ZDHHC23: variants seen among roughly 807,000 people sequenced by gnomAD.
The protein encoded by ZDHHC23 is palmitoyltransferase ZDHHC23.
ZDHHC23 carries 41 observed loss-of-function variants against 40.2 expected under a neutral mutation model. The ratio of observed to expected loss-of-function variants is 1.02; its 90% CI spans 0.79 to 1.32. The LOEUF (loss-of-function observed/expected upper bound fraction) is 1.32, where lower values mean the gene tolerates loss of function less well. ZDHHC23 is among the 40% of genes most tolerant of loss of function. The probability of loss-of-function intolerance (pLI) is 0.00; values close to 1 mark genes in which losing one functional copy is unlikely to be tolerated. For missense variants in ZDHHC23, 471 were observed against 541.5 expected, an observed-to-expected ratio of 0.87 and a Z score of 1.29; for synonymous variants, 204 against 210.2, an observed-to-expected ratio of 0.97 and a Z score of 0.26.
intron 4 of ZDHHC23, chr3:113,957,839 T>C (rs778644239): frequency 1.7e-5 from 9 of 518,560 alleles, no homozygotes; most frequent in South Asian, 1.1e-4. Flanking sequence ...TGTCTCGGTG[T>C]TCCTACATCC....
At position 113,959,989 on chromosome 3, in the gene ZDHHC23, G is replaced by C. The variant is rs1441779597; in HGVS notation, c.*1359G>C. The C allele has an allele frequency of 2.0e-6, 2 of 991,384 alleles. No individual in the cohort carries two copies. The highest frequency in any genetic ancestry group is 2.2e-4 in the East Asian group (2 of 9,292). 61.4% of individuals were successfully genotyped at this position (991,384 alleles called of 1,614,324 possible). ...TTAAGATGAGGGAATTTCAGATGAG[G>C]AAAATACCCTTTTGAAATGTTAGTT... On this transcript the variant is annotated 3_prime_UTR_variant, in exon 5 of 5. Coordinates refer to ENST00000638807, the MANE Select transcript of ZDHHC23 (RefSeq NM_001320466.2).
rs1283316178 is a variant in ZDHHC23 at position 113,961,982 on chromosome 3, C to G, written c.*3352C>G. ...TTACAGTTTTGTGAGACTTAAGGGT[C>G]TTTTTAACCTAGGTAAGTTTATATG... On this transcript the variant is annotated 3_prime_UTR_variant, in exon 5 of 5. Coordinates refer to ENST00000638807, the MANE Select transcript of ZDHHC23 (RefSeq NM_001320466.2). The G allele has an allele frequency of 6.6e-6, 1 of 152,560 alleles. No homozygotes were observed. The highest frequency in any genetic ancestry group is 1.5e-5 in the Non-Finnish European group (1 of 68,016). The allele number at this position is 152,560 out of a possible 1,614,324, so 9.5% of individuals were successfully genotyped here. A position where few individuals can be genotyped will look rare whatever the true frequency, so the allele number is the denominator to read the frequency against.
the ZDHHC23 span, chr3:113,978,791 C>T: frequency 6.6e-7 from 1 of 1,520,896 alleles, no homozygotes; most frequent in Non-Finnish European, 9.0e-7. Flanking sequence ...TTCTGGATTT[C>T]ATTTAGTTTT....
At position 113,953,771 on chromosome 3, in the gene ZDHHC23, G is replaced by A. The variant is rs768841887; in HGVS notation, c.233G>A (p.Arg78Gln). ...ATGGATACAATTTCTGATCGCCTCC[G>A]AATTCCTTGGCTTAGGGGAGCCAAA... Reference protein sequence around the residue: ...RIMDTISDRLRIPWLRGAKKV... With the variant: ...RIMDTISDRLQIPWLRGAKKV... Residue 78 changes from arginine to glutamine, a missense_variant, in exon 3 of 5, where the codon CGA (arginine) becomes CAA (glutamine). Coordinates refer to ENST00000638807, the MANE Select transcript of ZDHHC23 (RefSeq NM_001320466.2). 8 of 1,614,168 alleles carry A rather than the reference G, an allele frequency of 5.0e-6. No homozygotes were observed. Among genetic ancestry groups the A allele is most frequent in the South Asian group, 2.2e-5 (2 of 91,082 alleles).
At chr3:113,955,049 TCTAAA>T (rs747603091) in intron 3 of ZDHHC23, among the ~76,000 whole-genome samples, 16 of 152,208 alleles carry the variant, frequency 1.1e-4, no homozygotes, top group Admixed American at 3.3e-4. Context: ...ACTAAATACA[TCTAAA>T]CTAAAGGGAC....
In ZDHHC23 at chr3:113,962,094, T is replaced by C. The variant is rs1240136198; in HGVS notation, c.*3464T>C. On this transcript the variant is annotated 3_prime_UTR_variant, in exon 5 of 5. Coordinates refer to ENST00000638807, the MANE Select transcript of ZDHHC23 (RefSeq NM_001320466.2). ...GCAAGCAATGGATAATAAGAGACTT[T>C]TCCTGAGGCACCTGTTTGGAATCTG... The C allele has an allele frequency of 6.6e-6, 1 of 152,624 alleles. No individual in the cohort carries two copies. The highest frequency in any genetic ancestry group is 1.5e-5 in the Non-Finnish European group (1 of 68,034). The allele number at this position is 152,624 out of a possible 1,614,324, so 9.5% of individuals were successfully genotyped here. A position where few individuals can be genotyped will look rare whatever the true frequency, so the allele number is the denominator to read the frequency against.
In ZDHHC23 at chr3:113,956,343, A is replaced by G; in HGVS notation, c.877A>G (p.Asn293Asp). 2 of 1,613,512 alleles carry G rather than the reference A, an allele frequency of 1.2e-6. No homozygotes were observed. Among genetic ancestry groups the G allele is most frequent in the Admixed American group, 1.7e-5 (1 of 59,852 alleles). The change falls in exon 4 of 5, where the codon AAT becomes GAT. Residue 293 changes from asparagine (N) to aspartate (D), a missense_variant. Physicochemically the swap from Asn to Asp is conservative, Grantham distance 23. This residue lies in a region of ZDHHC23 where 346 missense variants were observed against 399.8 expected (regional missense o/e 0.87). Coordinates refer to ENST00000638807, the MANE Select transcript of ZDHHC23 (RefSeq NM_001320466.2). ...ATTTCTCTATGCTGTTTTGAGGATA[A>G]ATAGCTGCGTTGGAGAATCAAATCA... ...RRMDHHCVWINSCVGESNHQA... is the reference protein window; with the variant it reads ...RRMDHHCVWIDSCVGESNHQA...
Position 113,948,917 on chromosome 3 carries a change from G to T in ZDHHC23, c.115G>T (p.Ala39Ser). 1 of 1,614,190 alleles carries T rather than the reference G, an allele frequency of 6.2e-7. No homozygotes were observed. The highest frequency in any genetic ancestry group is 1.3e-5 in the African/African-American group (1 of 75,040). ...TCGGAATGGGGAAAAGAACCACGTG[G>T]CTACTTGTTTGTGTGATTGTCAAGA... is the stretch of plus-strand genomic sequence containing the variant. Reference protein sequence around the residue: ...IDRNGEKNHVATCLCDCQDLD... With the variant: ...IDRNGEKNHVSTCLCDCQDLD... Residue 39 changes from alanine to serine, a missense_variant, in exon 2 of 5, where the codon GCT (alanine) becomes TCT (serine). Transcript: ENST00000638807.
the ZDHHC23 span, among the ~76,000 whole-genome samples, chr3:113,977,299 T>C: frequency 6.6e-6 from 1 of 152,056 alleles, no homozygotes; most frequent in Non-Finnish European, 1.5e-5. Flanking sequence ...GGGGCATTTT[T>C]ATACACCCAC....
At chr3:113,964,207 C>T (rs1032596377), downstream of ZDHHC23, 6 of 152,152 alleles carry the variant, frequency 3.9e-5, no homozygotes, top group Non-Finnish European at 5.9e-5. Flanking sequence ...GAGTAATCAT[C>T]TCAGGACTGC....
chr3:113,969,633 C>T (rs1577304635), downstream of ZDHHC23, among the ~76,000 whole-genome samples: 1 of 152,236 alleles, frequency 6.6e-6, no homozygotes, highest in Non-Finnish European at 1.5e-5. Flanking sequence ...GTTCTTGGCA[C>T]TTTTGTCAAA....
chr3:113,959,340 G>A lies in ZDHHC23; in HGVS notation c.*710G>A, dbSNP rs1038361990. The A allele has an allele frequency of 9.0e-7, 1 of 1,108,294 alleles. No homozygotes were observed. Among genetic ancestry groups the A allele is most frequent in the Non-Finnish European group, 1.1e-6 (1 of 889,534 alleles). The allele number at this position is 1,108,294 out of a possible 1,614,324, so 68.7% of individuals were successfully genotyped here. A position where few individuals can be genotyped will look rare whatever the true frequency, so the allele number is the denominator to read the frequency against. On this transcript the variant is annotated 3_prime_UTR_variant, in exon 5 of 5. Coordinates refer to ENST00000638807, the MANE Select transcript of ZDHHC23 (RefSeq NM_001320466.2). ...TGACCAGATGGATTGATGCTAAGTT[G>A]TCTCATCTTGAAAAGACAGTTGACA...
chr3:113,973,590 T>C, the ZDHHC23 span, among the ~76,000 whole-genome samples: 1 of 142,518 alleles, frequency 7.0e-6, no homozygotes, highest in Admixed American at 7.3e-5. Flanking sequence ...TATTCTTGGA[T>C]GGCAGGTTTT....
At chr3:113,967,748 C>T (rs1021405103), downstream of ZDHHC23, among the ~76,000 whole-genome samples, 1 of 152,156 alleles carries the variant, frequency 6.6e-6, no homozygotes, top group Non-Finnish European at 1.5e-5. Context: ...TTCTATCTAA[C>T]TGTATATTGT....
At chr3:113,952,410 C>T (rs749167668) in intron 2 of ZDHHC23, among the ~76,000 whole-genome samples, 8 of 152,160 alleles carry the variant, frequency 5.3e-5, no homozygotes, top group Admixed American at 2.0e-4. Context: ...CATATTTCTG[C>T]GAGCCTTCTG....
chr3:113,971,774 G>A, the ZDHHC23 span, among the ~76,000 whole-genome samples: 1 of 151,860 alleles, frequency 6.6e-6, no homozygotes, highest in African/African-American at 2.4e-5. Context: ...TTAAAAGTTT[G>A]GTACAATTTA....
At position 113,954,104 on chromosome 3, in the gene ZDHHC23, A is replaced by G. The variant is rs751118612; in HGVS notation, c.566A>G (p.Lys189Arg). The G allele has an allele frequency of 1.2e-6, 2 of 1,614,228 alleles. No individual in the cohort carries two copies. Among genetic ancestry groups the G allele is most frequent in the Non-Finnish European group, 8.5e-7 (1 of 1,180,048 alleles). Residue 189 changes from lysine to arginine, a missense_variant, in exon 3 of 5, where the codon AAG (lysine) becomes AGG (arginine). By Grantham distance (26) the Lys-to-Arg change is conservative (BLOSUM62 2). Coordinates refer to ENST00000638807, the MANE Select transcript of ZDHHC23 (RefSeq NM_001320466.2). ...FLILLALHRA[K>R]KNPGYLSNPA... ...ATACTCTTAGCCTTGCACAGAGCCA[A>G]GAAGAATCCAGGCTACCTCAGCAAT... is the stretch of plus-strand genomic sequence containing the variant.
intron 2 of ZDHHC23, among the ~76,000 whole-genome samples, chr3:113,949,583 A>G (rs1347354854): frequency 6.6e-6 from 1 of 152,220 alleles, no homozygotes; most frequent in African/African-American, 2.4e-5. Flanking sequence ...AGAATTTTTA[A>G]CATCACTGAA....
At chr3:113,955,635 C>T (rs967706670) in intron 3 of ZDHHC23, among the ~76,000 whole-genome samples, 3 of 152,152 alleles carry the variant, frequency 2.0e-5, no homozygotes, top group Admixed American at 6.5e-5. Context: ...ATATATTTAA[C>T]ATGAATTTTC....
Sources: gnomAD v4.1 joint callset for allele counts (sites outside exome capture counted in the v4.1 genomes callset) on GRCh38, gnomAD v4.1.1 for gene constraint, gnomAD v4.1.1 regional missense constraint, MANE v1.5 for transcripts, NCBI Gene and HGNC (gene_info 2026-07-23, HGNC 2026-07-21) for gene names.